IGSF10: variants seen among roughly 807,000 people sequenced by gnomAD.
IGSF10 encodes the protein calvaria mechanical force protein 608.
Under a neutral mutation model 128.2 loss-of-function variants are expected in IGSF10, and 126 were observed. That is an observed-to-expected ratio of 0.98 (90% confidence interval 0.85 to 1.14). The LOEUF (loss-of-function observed/expected upper bound fraction) is 1.14, where lower values mean the gene tolerates loss of function less well. Ranked by LOEUF, IGSF10 falls within the 50% of genes most tolerant of loss-of-function variation. IGSF10 has a pLI of 0.00. For missense variants in IGSF10, 3,295 were observed against 3,149.8 expected, an observed-to-expected ratio of 1.05 and a Z score of -1.10; for synonymous variants, 1,185 against 1,146.2, an observed-to-expected ratio of 1.03 and a Z score of -0.68.
chr3:151,461,248 C>A, upstream of IGSF10: 1 of 985,366 alleles, frequency 1.0e-6, no homozygotes, highest in Non-Finnish European at 1.2e-6. Context: ...TTGGCAGGTC[C>A]TGGCTGGGTG....
chr3:151,440,475 A>G (rs1720783708), intron 7 of IGSF10: 2 of 448,618 alleles, frequency 4.5e-6, no homozygotes, highest in Non-Finnish European at 9.0e-6. Flanking sequence ...ACCTAAAGGA[A>G]GGGAAACTGC....
At chr3:151,606,807 A>G in the IGSF10 span, among the ~76,000 whole-genome samples, 8 of 152,166 alleles carry the variant, frequency 5.3e-5, no homozygotes, top group African/African-American at 1.9e-4. Context: ...GCAAGATACT[A>G]CTGATACTTT....
chr3:151,498,777 T>C, the IGSF10 span, among the ~76,000 whole-genome samples: 1 of 152,138 alleles, frequency 6.6e-6, no homozygotes, highest in East Asian at 1.9e-4. Flanking sequence ...GGTAGAATTT[T>C]TCCCCCATAA....
the IGSF10 span, among the ~76,000 whole-genome samples, chr3:151,538,209 T>A: frequency 3.9e-5 from 6 of 152,200 alleles, no homozygotes; most frequent in African/African-American, 1.4e-4. Flanking sequence ...AGAGGTTTCT[T>A]AGAATTGTGA....
In IGSF10 at chr3:151,446,626, C is replaced by A; in HGVS notation, c.3355G>T (p.Val1119Leu). Reference protein sequence around the residue: ...PLLLLENKPSVEKTTPTIKYF... With the variant: ...PLLLLENKPSLEKTTPTIKYF... Reference sequence around the variant, plus strand: ...TTTATTGTGGGTGTTGTTTTCTCTACACTGGGTTTGTTCTCAAGTAGTAAT... The same window carrying A: ...TTTATTGTGGGTGTTGTTTTCTCTAAACTGGGTTTGTTCTCAAGTAGTAAT... Residue 1119 changes from valine to leucine, a missense_variant, in exon 6 of 8, where the codon GTA becomes TTA. Val to Leu is a conservative substitution (Grantham distance 32). Transcript: ENST00000282466. The A allele has an allele frequency of 1.2e-6, 2 of 1,614,098 alleles. No homozygotes were observed. The highest frequency in any genetic ancestry group is 1.7e-6 in the Non-Finnish European group (2 of 1,180,018).
the IGSF10 span, among the ~76,000 whole-genome samples, chr3:151,616,702 G>T: frequency 1.3e-5 from 2 of 152,270 alleles, no homozygotes; most frequent in South Asian, 4.1e-4. Flanking sequence ...TAAGTTAACT[G>T]ATTGATTAAT....
chr3:151,594,533 C>T, the IGSF10 span, among the ~76,000 whole-genome samples: 48 of 151,560 alleles, frequency 3.2e-4, 1 homozygote, highest in Non-Finnish European at 1.5e-5. Flanking sequence ...CGGGGTTTCA[C>T]CGTGGTCTCT....
rs1560168791 is a variant in IGSF10 at position 151,437,211 on chromosome 3, T to G, written c.7350A>C (p.Leu2450=). 1 of 1,614,230 alleles carries G rather than the reference T, an allele frequency of 6.2e-7. No individual in the cohort carries two copies. ...GTVKGISGES[L]SLHCVSDGIP... ...TTCCATCAGACACACAATGCAGTGA[T>G]AGAGATTCTCCACTGATGCCTTTTA... Residue 2450 remains leucine, a synonymous_variant, in exon 8 of 8, where the codon CTA becomes CTC. Coordinates refer to ENST00000282466, the MANE Select transcript of IGSF10 (RefSeq NM_178822.5).
the IGSF10 span, among the ~76,000 whole-genome samples, chr3:151,528,645 T>A: frequency 0.013 from 1,906 of 152,322 alleles, 35 homozygotes; most frequent in African/African-American, 0.043. Context: ...CATGAGAGAC[T>A]GTACCGGGAG....
downstream of IGSF10, chr3:151,434,450 G>C (rs1263312127): frequency 6.6e-6 from 1 of 152,036 alleles, no homozygotes; most frequent in East Asian, 1.9e-4. Flanking sequence ...GTTTACTCTG[G>C]GCTGGAAAAG....
the IGSF10 span, among the ~76,000 whole-genome samples, chr3:151,572,861 C>T: frequency 4.6e-5 from 7 of 152,158 alleles, no homozygotes; most frequent in African/African-American, 1.7e-4. Context: ...GCATTTAGTG[C>T]TATAAGTTTC....
chr3:151,509,987 C>G, the IGSF10 span, among the ~76,000 whole-genome samples: 1 of 152,326 alleles, frequency 6.6e-6, no homozygotes, highest in East Asian at 1.9e-4. Flanking sequence ...GAAGCTGGAA[C>G]TGGGTGGAGC....
At chr3:151,579,689 A>G in the IGSF10 span, among the ~76,000 whole-genome samples, 1 of 152,036 alleles carries the variant, frequency 6.6e-6, no homozygotes, top group Non-Finnish European at 1.5e-5. Context: ...AGAAGGAGAA[A>G]AGAGAGAGAA....
chr3:151,533,265 C>G, the IGSF10 span, among the ~76,000 whole-genome samples: 1 of 152,154 alleles, frequency 6.6e-6, no homozygotes, highest in Non-Finnish European at 1.5e-5. Flanking sequence ...AGTGCTATCC[C>G]CATCAAGCTA....
At chr3:151,468,955 T>C in the IGSF10 span, among the ~76,000 whole-genome samples, 1 of 152,232 alleles carries the variant, frequency 6.6e-6, no homozygotes, top group African/African-American at 2.4e-5. Context: ...TTCTCATTGT[T>C]CAGCTCCCAC....
At chr3:151,465,565 A>T (rs1398449236), upstream of IGSF10, among the ~76,000 whole-genome samples, 7 of 152,240 alleles carry the variant, frequency 4.6e-5, no homozygotes, top group Admixed American at 4.6e-4. Flanking sequence ...TAATGAAAAG[A>T]CATTATTATT....
chr3:151,437,018 T>TATGA lies in IGSF10; in HGVS notation c.7539_7542dup (p.Thr2515SerfsTer53). 6.2e-7 allele frequency: 1 copy of TATGA among 1,614,146 alleles called. No individual in the cohort carries two copies. The highest frequency in any genetic ancestry group is 1.7e-4 in the Middle Eastern group (1 of 6,060). Reference sequence around the variant, plus strand: ...ATCATTACTGGAACAGTAATCAGTGTATGACCAACACTATTTTGAGCCTTA... The same window carrying TATGA: ...ATCATTACTGGAACAGTAATCAGTGTATGAATGACCAACACTATTTTGAGCCTTA... On this transcript the variant is annotated frameshift_variant, in exon 8 of 8. Coordinates refer to ENST00000282466, the MANE Select transcript of IGSF10 (RefSeq NM_178822.5). LOFTEE classifies it low-confidence loss of function (END_TRUNC).
At chr3:151,606,944 A>T in the IGSF10 span, among the ~76,000 whole-genome samples, 1 of 152,206 alleles carries the variant, frequency 6.6e-6, no homozygotes, top group Non-Finnish European at 1.5e-5. Flanking sequence ...ACTTTTCCAC[A>T]GGGACAGTAT....
chr3:151,527,117 C>T, the IGSF10 span, among the ~76,000 whole-genome samples: 2 of 152,168 alleles, frequency 1.3e-5, no homozygotes, highest in African/African-American at 4.8e-5. Flanking sequence ...CCACTACTGA[C>T]TTTAGAAGTC....
Sources: gnomAD v4.1 joint callset for allele counts (sites outside exome capture counted in the v4.1 genomes callset) on GRCh38, gnomAD v4.1.1 for gene constraint, MANE v1.5 for transcripts, NCBI Gene and HGNC (gene_info 2026-07-23, HGNC 2026-07-21) for gene names.